SLC17A1: variants seen among roughly 807,000 people sequenced by gnomAD.
SLC17A1 encodes the protein sodium-dependent phosphate transport protein 1.
Under a neutral mutation model 53.5 loss-of-function variants are expected in SLC17A1, and 51 were observed. The ratio of observed to expected loss-of-function variants is 0.95; its 90% CI spans 0.76 to 1.20. SLC17A1 has a LOEUF of 1.20. Ranked by LOEUF, SLC17A1 falls within the 50% of genes most tolerant of loss-of-function variation. The probability of loss-of-function intolerance (pLI) is 0.00; values close to 1 mark genes in which losing one functional copy is unlikely to be tolerated. For synonymous variants in SLC17A1, 179 were observed against 198.8 expected (o/e 0.90, Z 0.84); for missense variants, 538 against 568.2 (o/e 0.95, Z 0.54).
the SLC17A1 span, among the ~76,000 whole-genome samples, chr6:25,745,879 G>A: frequency 2.0e-5 from 3 of 152,136 alleles, no homozygotes; most frequent in Non-Finnish European, 4.4e-5. Context: ...TGAAAAATTG[G>A]TTCTACCATA....
the SLC17A1 span, among the ~76,000 whole-genome samples, chr6:25,751,476 A>T: frequency 6.6e-6 from 1 of 152,170 alleles, no homozygotes; most frequent in Non-Finnish European, 1.5e-5. Context: ...ATGAAATTTG[A>T]GTGGAAGTGA....
chr6:25,736,262 A>G, the SLC17A1 span, among the ~76,000 whole-genome samples: 1 of 152,170 alleles, frequency 6.6e-6, no homozygotes, highest in Non-Finnish European at 1.5e-5. Flanking sequence ...ATTTATCTCA[A>G]TAATGAGTTT....
intron 10 of SLC17A1, among the ~76,000 whole-genome samples, chr6:25,803,977 A>G (rs1763871043): frequency 6.6e-6 from 1 of 152,188 alleles, no homozygotes; most frequent in Non-Finnish European, 1.5e-5. Flanking sequence ...TTGAAATTCA[A>G]CTGTCTAACT....
At chr6:25,776,576 C>CCA in the SLC17A1 span, 1 of 1,585,522 alleles carries the variant, frequency 6.3e-7, no homozygotes, top group Non-Finnish European at 8.6e-7. Flanking sequence ...ATGCACCTGA[C>CCA]CTAGTCTCTG....
the SLC17A1 span, among the ~76,000 whole-genome samples, chr6:25,724,315 C>G: frequency 1.3e-5 from 2 of 152,168 alleles, no homozygotes; most frequent in East Asian, 3.9e-4. Flanking sequence ...CCCAGCTACT[C>G]AGGAGGCTGA....
chr6:25,727,087 C>T, the SLC17A1 span: 1 of 1,614,238 alleles, frequency 6.2e-7, no homozygotes, highest in Non-Finnish European at 8.5e-7. Context: ...TCTTCGAAAG[C>T]TATGAGCATT....
chr6:25,732,012 G>A, the SLC17A1 span: 7 of 1,532,204 alleles, frequency 4.6e-6, no homozygotes, highest in South Asian at 2.3e-5. Context: ...TCCAGTGTCC[G>A]CGTGGACCTG....
At chr6:25,803,527 A>T (rs1763855180) in intron 10 of SLC17A1, among the ~76,000 whole-genome samples, 1 of 152,152 alleles carries the variant, frequency 6.6e-6, no homozygotes, top group Admixed American at 6.5e-5. Flanking sequence ...TACTTCTGTT[A>T]GTCACACTTA....
chr6:25,818,703 A>T (rs1410851437), intron 6 of SLC17A1, among the ~76,000 whole-genome samples: 1 of 152,182 alleles, frequency 6.6e-6, no homozygotes, highest in Non-Finnish European at 1.5e-5. Flanking sequence ...AATGTGTTTG[A>T]TTATGTGGTA....
the SLC17A1 span, chr6:25,777,003 G>A: frequency 6.4e-7 from 1 of 1,562,326 alleles, no homozygotes; most frequent in Non-Finnish European, 8.7e-7. Flanking sequence ...CTCAATTCAA[G>A]TCTAGCAGCC....
the SLC17A1 span, among the ~76,000 whole-genome samples, chr6:25,760,740 G>A: frequency 1.3e-5 from 2 of 152,058 alleles, no homozygotes; most frequent in African/African-American, 2.4e-5. Flanking sequence ...CATTAGCTAT[G>A]TCTAGTCACT....
downstream of SLC17A1, chr6:25,778,071 T>C: frequency 7.6e-7 from 1 of 1,323,080 alleles, no homozygotes; most frequent in Non-Finnish European, 1.1e-6. Context: ...GAGGCATGGT[T>C]TTTTCACATA....
At chr6:25,823,209 TG>T (rs1317861119) in intron 3 of SLC17A1, among the ~76,000 whole-genome samples, 1 of 152,136 alleles carries the variant, frequency 6.6e-6, no homozygotes, top group Non-Finnish European at 1.5e-5. Flanking sequence ...CACCTACTGA[TG>T]GACATATAGG....
At chr6:25,727,314 T>A in the SLC17A1 span, 1 of 1,558,512 alleles carries the variant, frequency 6.4e-7, no homozygotes, top group Non-Finnish European at 8.7e-7. Context: ...AAACGTCATT[T>A]CTAACCCAAA....
intron 6 of SLC17A1, among the ~76,000 whole-genome samples, chr6:25,814,438 A>G (rs1764265345): frequency 2.0e-5 from 3 of 152,220 alleles, no homozygotes; most frequent in African/African-American, 7.2e-5. Flanking sequence ...ACTCAGAAAG[A>G]TCAAATTATT....
chr6:25,780,695 A>G (rs1271143911), downstream of SLC17A1: 1 of 152,260 alleles, frequency 6.6e-6, no homozygotes. Context: ...GGCACTCTGC[A>G]TGAGAGATTA....
At chr6:25,809,229 G>C (rs557021525) in intron 10 of SLC17A1, among the ~76,000 whole-genome samples, 2 of 152,070 alleles carry the variant, frequency 1.3e-5, no homozygotes, top group African/African-American at 4.8e-5. Flanking sequence ...TAGAATAACA[G>C]ACATTAGAGA....
chr6:25,828,122 T>G (rs1764817870), intron 2 of SLC17A1, among the ~76,000 whole-genome samples: 1 of 152,046 alleles, frequency 6.6e-6, no homozygotes. Context: ...GTGGAACAGG[T>G]GTAGGATAAA....
chr6:25,815,086 T>C (rs1764298952), intron 6 of SLC17A1, among the ~76,000 whole-genome samples: 1 of 137,946 alleles, frequency 7.2e-6, no homozygotes, highest in Non-Finnish European at 1.6e-5. Context: ...AATATACATG[T>C]AATAAAAAAA....
Sources: gnomAD v4.1 joint callset for allele counts (sites outside exome capture counted in the v4.1 genomes callset) on GRCh38, gnomAD v4.1.1 for gene constraint, MANE v1.5 for transcripts, NCBI Gene and HGNC (gene_info 2026-07-23, HGNC 2026-07-21) for gene names.